Variants in EPB41L4B observed in about 807,000 individuals in gnomAD.
The protein encoded by EPB41L4B is band 4.1-like protein 4B.
Under a neutral mutation model 112.5 loss-of-function variants are expected in EPB41L4B, and 30 were observed. That is an observed-to-expected ratio of 0.27 (90% CI 0.20 to 0.36). EPB41L4B has a LOEUF of 0.36. EPB41L4B is among the 10% of genes least tolerant of loss of function. EPB41L4B has a pLI of 1.00. For missense variants in EPB41L4B, 1,024 were observed against 1,133.3 expected (o/e 0.90, Z 1.38); for synonymous variants, 408 against 439.7 (o/e 0.93, Z 0.90).
intron 2 of EPB41L4B, among the ~76,000 whole-genome samples, chr9:109,269,603 G>A (rs1835537556): frequency 6.6e-6 from 1 of 152,184 alleles, no homozygotes; most frequent in South Asian, 2.1e-4. Flanking sequence ...AGACTCTTGA[G>A]AAATAAATAA....
chr9:109,207,981 A>G lies in EPB41L4B; in HGVS notation c.1821T>C (p.His607=), dbSNP rs978488649. The change falls in exon 18 of 26, where the codon CAT becomes CAC. Residue 607 remains histidine, a synonymous_variant. Transcript: ENST00000374566. ...GGGCTTTCAGAATGTTACACTTCAC[A>G]TGATCCGCAACAGGGGAAGGCAAAA... ...TPLLPSPVAD[H]VKCNILKAQL... The G allele has an allele frequency of 1.2e-5, 19 of 1,614,108 alleles. No homozygotes were observed. The highest frequency in any genetic ancestry group is 1.5e-5 in the Non-Finnish European group (18 of 1,180,042).
intron 1 of EPB41L4B, among the ~76,000 whole-genome samples, chr9:109,302,027 A>G (rs548078685): frequency 1.3e-5 from 2 of 152,358 alleles, no homozygotes; most frequent in East Asian, 1.9e-4. Flanking sequence ...AAGTGCAGCA[A>G]AACAACTATG....
At chr9:109,270,938 T>C (rs1385777489) in intron 2 of EPB41L4B, among the ~76,000 whole-genome samples, 3 of 152,246 alleles carry the variant, frequency 2.0e-5, no homozygotes, top group African/African-American at 4.8e-5. Flanking sequence ...TTTTCATAAA[T>C]GCTTCCAGTG....
At chr9:109,177,909 CCTCTCTTTCTCT>C (rs1468811765) in intron 24 of EPB41L4B, among the ~76,000 whole-genome samples, 1 of 151,738 alleles carries the variant, frequency 6.6e-6, no homozygotes, top group African/African-American at 2.4e-5. Context: ...TCTCTCTCTT[CCTCTCTTTCTCT>C]CTCTCTTTCT....
intron 12 of EPB41L4B, 94 bp downstream of exon 12, chr9:109,253,347 T>C: frequency 1.2e-6 from 1 of 825,056 alleles, no homozygotes; most frequent in East Asian, 2.5e-5. Flanking sequence ...GAACTGCGGG[T>C]ACTTTCTTCA....
At chr9:109,202,314 T>C (rs1564262148) in intron 19 of EPB41L4B, among the ~76,000 whole-genome samples, 1 of 152,208 alleles carries the variant, frequency 6.6e-6, no homozygotes, top group South Asian at 2.1e-4. Context: ...CATAAGGTGA[T>C]ACAGAGAAAT....
intron 1 of EPB41L4B, among the ~76,000 whole-genome samples, chr9:109,293,103 T>G (rs1836593532): frequency 6.6e-6 from 1 of 152,146 alleles, no homozygotes; most frequent in Admixed American, 6.6e-5. Flanking sequence ...CTGCTCAAAT[T>G]CTTGACCAAC....
intron 15 of EPB41L4B, among the ~76,000 whole-genome samples, chr9:109,225,875 A>G (rs1833742641): frequency 1.3e-5 from 2 of 152,218 alleles, no homozygotes; most frequent in South Asian, 4.1e-4. Context: ...TTGGCAATGC[A>G]TGCTAACTGG....
rs866501880 is a variant in EPB41L4B at position 109,175,877 on chromosome 9, C to A, written c.2633+674G>T. Among the ~76,000 whole-genome samples, 5 of 152,284 alleles carry A rather than the reference C, an allele frequency of 3.3e-5. No individual in the cohort carries two copies. In the South Asian group the frequency reaches 1.0e-3, roughly 32 times the overall value. On this transcript the variant is annotated intron_variant, in intron 25 of 25. Coordinates refer to ENST00000374566, the MANE Select transcript of EPB41L4B (RefSeq NM_019114.5). ...TGTCAGGCACATGCTTCCTCAGGAG[C>A]CTTAGCACTGGCTGGTTGCTCTGCG...
chr9:109,220,932 G>T (rs149836884), intron 15 of EPB41L4B, among the ~76,000 whole-genome samples: 1 of 152,318 alleles, frequency 6.6e-6, no homozygotes, highest in East Asian at 1.9e-4. Context: ...AGTGCCCTGA[G>T]TTGGAGTGGA....
intron 1 of EPB41L4B, among the ~76,000 whole-genome samples, chr9:109,295,790 TAAACTCCTTGGCCATAAAA>T (rs1836712952): frequency 6.6e-6 from 1 of 152,088 alleles, no homozygotes; most frequent in South Asian, 2.1e-4. Flanking sequence ...CTCAGTGTTA[TAAACTCCTTGGCCATAAAA>T]AAGTGGTTTA....
chr9:109,293,099 A>C (rs1207427896), intron 1 of EPB41L4B, among the ~76,000 whole-genome samples: 1 of 152,234 alleles, frequency 6.6e-6, no homozygotes, highest in Admixed American at 6.5e-5. Flanking sequence ...AGCCCTGCTC[A>C]AATTCTTGAC....
intron 11 of EPB41L4B, among the ~76,000 whole-genome samples, chr9:109,254,280 C>G (rs1347044371): frequency 6.6e-6 from 1 of 152,242 alleles, no homozygotes; most frequent in Non-Finnish European, 1.5e-5. Flanking sequence ...TCACTCCACT[C>G]CGAGTAGACA....
At chr9:109,287,233 T>A (rs571609980) in intron 1 of EPB41L4B, among the ~76,000 whole-genome samples, 9 of 152,322 alleles carry the variant, frequency 5.9e-5, no homozygotes, top group Admixed American at 2.0e-4. Flanking sequence ...TTCCTAGCTG[T>A]GCTCCTGATA....
intron 1 of EPB41L4B, among the ~76,000 whole-genome samples, chr9:109,293,062 G>A (rs1836592115): frequency 6.6e-6 from 1 of 152,162 alleles, no homozygotes; most frequent in Non-Finnish European, 1.5e-5. Context: ...TCAATGCCAT[G>A]AGGAGCAGAA....
chr9:109,286,488 C>T (rs1048776157), intron 1 of EPB41L4B, among the ~76,000 whole-genome samples: 7 of 152,284 alleles, frequency 4.6e-5, no homozygotes, highest in Admixed American at 6.5e-5. Flanking sequence ...TGCCATTATG[C>T]GACGCGTTGT....
At chr9:109,222,546 C>T (rs1833616533) in intron 15 of EPB41L4B, among the ~76,000 whole-genome samples, 1 of 152,326 alleles carries the variant, frequency 6.6e-6, no homozygotes, top group African/African-American at 2.4e-5. Flanking sequence ...GAAGGTCCAG[C>T]AGTACTCAGA....
intron 17 of EPB41L4B, among the ~76,000 whole-genome samples, chr9:109,211,773 T>C (rs1273526833): frequency 1.4e-5 from 2 of 146,812 alleles, no homozygotes; most frequent in Non-Finnish European, 3.0e-5. Context: ...TGCAGTGCAG[T>C]GGCAGGATCT....
chr9:109,226,728 A>ATATATATGAAG lies in EPB41L4B; in HGVS notation c.1410-9594_1410-9584dup, dbSNP rs1833786848. 4.7e-5 allele frequency among the ~76,000 whole-genome samples: 6 copies of ATATATATGAAG among 127,570 alleles called. No homozygotes were observed. The East Asian group carries it at 1.1e-3, about 24-fold the overall frequency. 83.7% of individuals were successfully genotyped at this position (127,570 alleles called of 152,430 possible). On this transcript the variant is annotated intron_variant, in intron 15 of 25. Coordinates refer to ENST00000374566, the MANE Select transcript of EPB41L4B (RefSeq NM_019114.5). The stretch of plus-strand genomic sequence containing the variant: ...TATATGAAGAATATATATATGAAGT[A>ATATATATGAAG]TATATATGAAGAATATATATATGAA...
Sources: gnomAD v4.1 joint callset for allele counts (sites outside exome capture counted in the v4.1 genomes callset) on GRCh38, gnomAD v4.1.1 for gene constraint, MANE v1.5 for transcripts, NCBI Gene and HGNC (gene_info 2026-07-23, HGNC 2026-07-21) for gene names.